Variants in ARHGAP26 observed in about 807,000 individuals in gnomAD.
The protein encoded by ARHGAP26 is Rho GTPase activating protein 26.
In ARHGAP26, 38 loss-of-function variants were observed where a neutral mutation model predicts 104.8. That is an observed-to-expected ratio of 0.36 (90% CI 0.28 to 0.48). The LOEUF (loss-of-function observed/expected upper bound fraction) is 0.48, where lower values mean the gene tolerates loss of function less well. Among genes scored for constraint, ARHGAP26 ranks in the 20% least tolerant of loss-of-function variants. The probability of loss-of-function intolerance (pLI) is 0.99; values close to 1 mark genes in which losing one functional copy is unlikely to be tolerated. For missense variants in ARHGAP26, 704 were observed against 947.9 expected (o/e 0.74, Z 3.38); for synonymous variants, 341 against 340.0 (o/e 1.00, Z -0.03).
chr5:143,172,300 TAA>T (rs549334864), intron 20 of ARHGAP26, among the ~76,000 whole-genome samples: 1 of 145,744 alleles, frequency 6.9e-6, no homozygotes, highest in African/African-American at 2.5e-5. Flanking sequence ...TGTTACTCTT[TAA>T]AAAAAAAAAT....
intron 14 of ARHGAP26, among the ~76,000 whole-genome samples, chr5:143,047,816 T>G (rs1784427381): frequency 6.6e-6 from 1 of 152,080 alleles, no homozygotes; most frequent in African/African-American, 2.4e-5. Context: ...TAAAAAAATT[T>G]TTTTTGTTTT....
rs540409897 is a variant in ARHGAP26 at position 142,788,698 on chromosome 5, T to C, written c.154+17783T>C. 2.0e-5 allele frequency among the ~76,000 whole-genome samples: 3 copies of C among 152,334 alleles called. No homozygotes were observed. In the East Asian group the frequency reaches 5.8e-4, roughly 29 times the overall value. On this transcript the variant is annotated intron_variant, in intron 1 of 22. Coordinates refer to ENST00000645722, the MANE Select transcript of ARHGAP26 (RefSeq NM_001135608.3). ...AGTAATCTTGAGATGATTTAAAATA[T>C]GTGGGAGGATGTGCTTAGGTTATAT... is the stretch of plus-strand genomic sequence containing the variant.
chr5:143,212,616 G>C (rs559626983), intron 21 of ARHGAP26, among the ~76,000 whole-genome samples: 1 of 152,126 alleles, frequency 6.6e-6, no homozygotes, highest in East Asian at 1.9e-4. Flanking sequence ...TTCCCACCTG[G>C]CCATCATCTC....
At chr5:143,146,912 A>T (rs1285747898) in intron 19 of ARHGAP26, among the ~76,000 whole-genome samples, 2 of 152,218 alleles carry the variant, frequency 1.3e-5, no homozygotes, top group Non-Finnish European at 2.9e-5. Context: ...CTACTCTGGC[A>T]ATCTGCCAGT....
chr5:143,041,738 A>AAAAGT, intron 13 of ARHGAP26, 78 bp from the exon 14 acceptor site: 1 of 1,124,544 alleles, frequency 8.9e-7, no homozygotes, highest in Non-Finnish European at 1.3e-6. Context: ...AAAAAAAAAA[A>AAAAGT]AAAGTGCATT....
intron 13 of ARHGAP26, 60 bp downstream of exon 13, chr5:143,037,321 C>A: frequency 1.4e-6 from 2 of 1,411,286 alleles, no homozygotes; most frequent in South Asian, 1.3e-5. Context: ...GGTGAGGAGT[C>A]AGACCTGCTA....
At chr5:143,001,920 G>A (rs1197263605) in intron 11 of ARHGAP26, among the ~76,000 whole-genome samples, 1 of 152,188 alleles carries the variant, frequency 6.6e-6, no homozygotes, top group East Asian at 1.9e-4. Context: ...ACTCAGCTTC[G>A]AGTCATAGAT....
At chr5:142,870,378 TC>T (rs1399588919) in intron 1 of ARHGAP26, among the ~76,000 whole-genome samples, 3 of 152,162 alleles carry the variant, frequency 2.0e-5, no homozygotes, top group Non-Finnish European at 4.4e-5. Flanking sequence ...GGTAGAGAGT[TC>T]TCTTTTTAGT....
Position 143,056,011 on chromosome 5 carries a change from A to C in ARHGAP26, c.1374-17A>C, listed in dbSNP as rs1289892560. On this transcript the variant is annotated splice_polypyrimidine_tract_variant and intron_variant, in intron 15 of 22. Coordinates refer to ENST00000645722, the MANE Select transcript of ARHGAP26 (RefSeq NM_001135608.3). ...TTCTTATTATTAAGCTGACTAGCCT[A>C]TCTCCTTTTCCTCCAGAATGCTTCC... The C allele has an allele frequency of 1.2e-6, 2 of 1,604,018 alleles. No homozygotes were observed. Among genetic ancestry groups the C allele is most frequent in the Non-Finnish European group, 1.7e-6 (2 of 1,171,882 alleles).
At chr5:143,133,594 G>T (rs2150895421) in intron 18 of ARHGAP26, among the ~76,000 whole-genome samples, 1 of 152,324 alleles carries the variant, frequency 6.6e-6, no homozygotes, top group East Asian at 1.9e-4. Flanking sequence ...AGGAATTTTT[G>T]ATTCATTGGT....
intron 20 of ARHGAP26, among the ~76,000 whole-genome samples, chr5:143,175,631 TC>T (rs1803373565): frequency 6.6e-6 from 1 of 152,116 alleles, no homozygotes; most frequent in South Asian, 2.1e-4. Context: ...CAACACCTGG[TC>T]TAGAAGTTTT....
chr5:143,152,340 G>A (rs998875825), intron 20 of ARHGAP26, among the ~76,000 whole-genome samples: 13 of 152,184 alleles, frequency 8.5e-5, no homozygotes, highest in Admixed American at 8.5e-4. Context: ...GAGAGGGTAT[G>A]TGTAAAACTT....
chr5:142,836,046 C>T (rs1208476728), intron 1 of ARHGAP26, among the ~76,000 whole-genome samples: 3 of 152,188 alleles, frequency 2.0e-5, no homozygotes, highest in African/African-American at 7.2e-5. Context: ...CATTGGTACC[C>T]TTTCTTGGTT....
Position 143,217,794 on chromosome 5 carries a change from C to T in ARHGAP26, c.2191+3706C>T, listed in dbSNP as rs138018183. ...CGCTTCCACTGGCCGCCTGACACAT[C>T]TTGTCACTGGCTTCCACTCTTGCTC... On this transcript the variant is annotated intron_variant, in intron 22 of 22. Coordinates refer to ENST00000645722, the MANE Select transcript of ARHGAP26 (RefSeq NM_001135608.3). Among the ~76,000 whole-genome samples, 569 of 152,352 alleles carry T rather than the reference C, an allele frequency of 3.7e-3. 2 individuals are homozygous for T. Among genetic ancestry groups the T allele is most frequent in the African/African-American group, 0.013 (550 of 41,572 alleles).
chr5:143,168,478 C>CTTTTTTT (rs1802346724), intron 20 of ARHGAP26: 1 of 24,550 alleles, frequency 4.1e-5, no homozygotes, highest in African/African-American at 1.4e-4. Flanking sequence ...TTTTTTTTTG[C>CTTTTTTT]TCAAATTTTC....
At chr5:143,119,870 C>G (rs549932250) in intron 17 of ARHGAP26, among the ~76,000 whole-genome samples, 1 of 150,510 alleles carries the variant, frequency 6.6e-6, no homozygotes, top group Admixed American at 6.6e-5. Context: ...GCGCTTAAGG[C>G]AGTATAATCT....
At chr5:142,813,201 A>G (rs1419654596) in intron 1 of ARHGAP26, among the ~76,000 whole-genome samples, 2 of 152,174 alleles carry the variant, frequency 1.3e-5, no homozygotes, top group Non-Finnish European at 2.9e-5. Flanking sequence ...TTGGCCTCCC[A>G]GAGTGCGGGG....
intron 10 of ARHGAP26, among the ~76,000 whole-genome samples, chr5:142,914,542 A>T (rs769724257): frequency 6.6e-6 from 1 of 152,220 alleles, no homozygotes; most frequent in Non-Finnish European, 1.5e-5. Context: ...GCAGATAATA[A>T]GTGCTCAACA....
chr5:143,143,195 C>T (rs930551806), intron 19 of ARHGAP26, among the ~76,000 whole-genome samples: 1 of 152,158 alleles, frequency 6.6e-6, no homozygotes, highest in Non-Finnish European at 1.5e-5. Flanking sequence ...TCGTATTTAC[C>T]CTCCAGCTCT....
Sources: gnomAD v4.1 joint callset for allele counts (sites outside exome capture counted in the v4.1 genomes callset) on GRCh38, gnomAD v4.1.1 for gene constraint, MANE v1.5 for transcripts, NCBI Gene and HGNC (gene_info 2026-07-23, HGNC 2026-07-21) for gene names.